ABCB7: variants seen among roughly 807,000 people sequenced by gnomAD.
ABCB7 encodes the protein ATP binding cassette subfamily B member 7.
Under a neutral mutation model 54.4 loss-of-function variants are expected in ABCB7, and 7 were observed. The observed-to-expected ratio is 0.13, with a 90% CI of 0.07 to 0.24. ABCB7 has a LOEUF of 0.24. Ranked by LOEUF, ABCB7 falls within the 10% of genes least tolerant of loss-of-function variation. The pLI, the probability that ABCB7 is intolerant of heterozygous loss-of-function variation, is 1.00. For missense variants in ABCB7, 356 were observed against 570.4 expected (o/e 0.62, Z 3.83); for synonymous variants, 218 against 207.1 (o/e 1.05, Z -0.45).
At chrX:75,053,775 C>A (rs966651422) in intron 15 of ABCB7, among the ~76,000 whole-genome samples, 190 bp from the exon 16 acceptor site, 24 of 111,853 alleles carry the variant, frequency 2.1e-4, no homozygotes, top group African/African-American at 7.8e-4. Context: ...TTGAGCTACC[C>A]AGTGCCAGAA....
rs774373863 is a variant in ABCB7 at position 75,112,916 on chromosome X, T to C, written c.303A>G (p.Gly101=). 22 of 1,208,767 alleles carry C rather than the reference T, an allele frequency of 1.8e-5. No individual in the cohort carries two copies. The highest frequency in any genetic ancestry group is 2.2e-5 in the Non-Finnish European group (20 of 894,757). ...CTTTTGGGTCTGTGTGGAGTCCTCC[T>C]CCTGCATGACCATGCCAACATGTCC... ...EKRTCWHGHA[G]GGLHTDPKEG... is the part of the protein sequence containing the mutation. Residue 101 remains glycine (G), a synonymous_variant, in exon 3 of 16, where the codon GGA becomes GGG. Transcript: ENST00000373394.
At chrX:75,112,306 G>A (rs2081767405) in intron 3 of ABCB7, among the ~76,000 whole-genome samples, 2 of 111,463 alleles carry the variant, frequency 1.8e-5, no homozygotes, top group Admixed American at 1.9e-4. Context: ...CAGAGAAAAA[G>A]GGCCAGATGT....
intron 15 of ABCB7, among the ~76,000 whole-genome samples, chrX:75,055,569 A>C (rs1312579696): frequency 1.7e-4 from 18 of 106,393 alleles, no homozygotes; most frequent in African/African-American, 5.4e-4. Flanking sequence ...AAAAAAAAAA[A>C]AAAAAAAAAA....
At chrX:75,152,661 T>C (rs1032067706) in intron 1 of ABCB7, among the ~76,000 whole-genome samples, 3 of 110,329 alleles carry the variant, frequency 2.7e-5, no homozygotes, top group Non-Finnish European at 3.8e-5. Flanking sequence ...AGGTCCTTTT[T>C]TTTTTTTCTT....
chrX:75,092,472 C>A (rs1322228256), intron 4 of ABCB7, among the ~76,000 whole-genome samples: 1 of 111,365 alleles, frequency 9.0e-6, no homozygotes, highest in African/African-American at 3.2e-5. Context: ...AACTATAAAT[C>A]ATCTAGAAGA....
chrX:75,086,451 T>A (rs1225107259), intron 4 of ABCB7, among the ~76,000 whole-genome samples: 2 of 111,729 alleles, frequency 1.8e-5, no homozygotes, highest in Non-Finnish European at 3.8e-5. Flanking sequence ...CCCATTATGA[T>A]CATGACTAGT....
rs187015891 is a variant in ABCB7 at position 75,142,642 on chromosome X, T to A, written c.168+13463A>T. Among the ~76,000 whole-genome samples, 875 of 112,610 alleles carry A rather than the reference T, an allele frequency of 7.8e-3. 5 individuals are homozygous for A. The highest frequency in any genetic ancestry group is 0.011 in the Admixed American group (118 of 10,655). On this transcript the variant is annotated intron_variant, in intron 1 of 15. Transcript: ENST00000373394. The stretch of plus-strand genomic sequence containing the variant: ...CCAGTCCAACATCTACCCACAAGAC[T>A]TCAATATTCATCTATAAATTGTTCA...
chrX:75,082,333 A>G (rs909342303), intron 4 of ABCB7, among the ~76,000 whole-genome samples: 6 of 111,916 alleles, frequency 5.4e-5, no homozygotes, highest in Non-Finnish European at 1.1e-4. Context: ...AGTACCGTAC[A>G]CTGGGCAAAA....
At chrX:75,090,525 T>C (rs1468323560) in intron 4 of ABCB7, among the ~76,000 whole-genome samples, 1 of 108,074 alleles carries the variant, frequency 9.3e-6, no homozygotes, top group African/African-American at 3.4e-5. Context: ...TGAATGCAAA[T>C]ATTAGAAAAG....
intron 3 of ABCB7, among the ~76,000 whole-genome samples, chrX:75,101,044 T>A (rs2081635177): frequency 1.0e-5 from 1 of 95,464 alleles, no homozygotes; most frequent in East Asian, 3.5e-4. Flanking sequence ...GAAAAAAATA[T>A]TTTTGTGGGA....
At chrX:75,055,273 A>G (rs1395376950) in intron 15 of ABCB7, among the ~76,000 whole-genome samples, 1 of 110,305 alleles carries the variant, frequency 9.1e-6, no homozygotes, top group Non-Finnish European at 1.9e-5. Flanking sequence ...CTCTATATAT[A>G]CATGATTTTT....
chrX:75,149,795 G>A (rs905571832), intron 1 of ABCB7, among the ~76,000 whole-genome samples: 6 of 110,890 alleles, frequency 5.4e-5, no homozygotes, highest in Admixed American at 2.9e-4. Flanking sequence ...TTCAGGGAAC[G>A]GACTGACCTT....
chrX:75,150,005 G>C (rs1401811875), intron 1 of ABCB7, among the ~76,000 whole-genome samples: 2 of 111,529 alleles, frequency 1.8e-5, no homozygotes, highest in Non-Finnish European at 3.8e-5. Context: ...AAATTTTTAA[G>C]GCTAAGATAT....
At chrX:75,134,405 T>C (rs1049581157) in intron 1 of ABCB7, among the ~76,000 whole-genome samples, 32 of 111,806 alleles carry the variant, frequency 2.9e-4, no homozygotes, top group Admixed American at 2.2e-3. Context: ...ACTGGCAGTA[T>C]TGGGCAGACT....
At chrX:75,147,158 CA>C (rs1343218546) in intron 1 of ABCB7, among the ~76,000 whole-genome samples, 2 of 110,516 alleles carry the variant, frequency 1.8e-5, no homozygotes, top group Admixed American at 9.6e-5. Context: ...ATTAAAAAGT[CA>C]AAAAATAACA....
chrX:75,071,434 A>G, intron 9 of ABCB7, 75 bp downstream of exon 9: 1 of 1,085,992 alleles, frequency 9.2e-7, no homozygotes, highest in Non-Finnish European at 1.3e-6. Context: ...TAAGATAAGC[A>G]TGCACATTCC....
chrX:75,087,593 C>A (rs1416197834), intron 4 of ABCB7, among the ~76,000 whole-genome samples: 1 of 111,504 alleles, frequency 9.0e-6, no homozygotes, highest in African/African-American at 3.3e-5. Flanking sequence ...ATCCTTGCAA[C>A]ATAGCTGAAT....
In ABCB7 at chrX:75,070,485, T is replaced by A. The variant is rs1238842780; in HGVS notation, c.1245A>T (p.Gly415=). The A allele has an allele frequency of 3.2e-5, 39 of 1,208,145 alleles. No individual in the cohort carries two copies. Among genetic ancestry groups the A allele is most frequent in the Non-Finnish European group, 4.4e-5 (39 of 894,516 alleles). ...LTVGDLVMVN[G]LLFQLSLPLN... is the part of the protein sequence containing the mutation. ...GGGGTAATGAAAGCTGAAAAAGCAG[T>A]CCATTCACCATTACTAGATCTCCAA... The change falls in exon 10 of 16, where the codon GGA becomes GGT. Residue 415 remains glycine (G), a synonymous_variant. Transcript: ENST00000373394.
intron 1 of ABCB7, among the ~76,000 whole-genome samples, chrX:75,145,973 TAAA>T (rs925752232): frequency 4.0e-4 from 44 of 110,195 alleles, no homozygotes; most frequent in African/African-American, 1.4e-3. Context: ...AATAAAAAGA[TAAA>T]AAAATAAAAA....
Sources: gnomAD v4.1 joint callset for allele counts (sites outside exome capture counted in the v4.1 genomes callset) on GRCh38, gnomAD v4.1.1 for gene constraint, MANE v1.5 for transcripts, NCBI Gene and HGNC (gene_info 2026-07-23, HGNC 2026-07-21) for gene names.